Variants in DOCK10 observed in about 807,000 individuals in gnomAD.
DOCK10 encodes the protein dedicator of cytokinesis protein 10.
A neutral mutation model predicts 280.1 loss-of-function variants in DOCK10; 145 were observed. The observed-to-expected ratio is 0.52, with a 90% CI of 0.45 to 0.59. The LOEUF (loss-of-function observed/expected upper bound fraction) is 0.59, where lower values mean the gene tolerates loss of function less well. Ranked by LOEUF, DOCK10 falls within the 20% of genes least tolerant of loss-of-function variation. DOCK10 has a pLI of 0.00. For synonymous variants in DOCK10, 915 were observed against 942.2 expected (o/e 0.97, Z 0.53); for missense variants, 2,368 against 2,651.7 (o/e 0.89, Z 2.35).
intron 41 of DOCK10, among the ~76,000 whole-genome samples, chr2:224,798,815 G>A (rs1419166179): frequency 6.6e-6 from 1 of 151,710 alleles, no homozygotes; most frequent in Non-Finnish European, 1.5e-5. Flanking sequence ...AAATTTTTTT[G>A]TAAAGATGAA....
chr2:224,851,112 C>T (rs1162464420), intron 18 of DOCK10, among the ~76,000 whole-genome samples: 1 of 152,176 alleles, frequency 6.6e-6, no homozygotes, highest in African/African-American at 2.4e-5. Flanking sequence ...TGTCCAGCCC[C>T]AAATCAGGCC....
At chr2:225,025,801 T>C (rs973859130) in intron 1 of DOCK10, among the ~76,000 whole-genome samples, 17 of 152,240 alleles carry the variant, frequency 1.1e-4, no homozygotes, top group African/African-American at 3.9e-4. Context: ...CCTTTCAAAA[T>C]TGACAAGTTA....
chr2:224,938,293 A>G (rs968399537), intron 1 of DOCK10, among the ~76,000 whole-genome samples: 3 of 152,122 alleles, frequency 2.0e-5, no homozygotes, highest in Non-Finnish European at 2.9e-5. Flanking sequence ...TCTATTTTCA[A>G]TATTCATAAC....
intron 1 of DOCK10, among the ~76,000 whole-genome samples, chr2:224,992,800 G>T (rs73083746): frequency 0.012 from 1,805 of 152,242 alleles, 39 homozygotes; most frequent in African/African-American, 0.042. Context: ...ATCTAAGTTT[G>T]CTTGTCCATA....
chr2:224,854,050 T>C (rs553509797), intron 16 of DOCK10, among the ~76,000 whole-genome samples: 1 of 152,192 alleles, frequency 6.6e-6, no homozygotes, highest in African/African-American at 2.4e-5. Context: ...CACCAATCAA[T>C]ATAAAAATGA....
chr2:224,931,675 A>G lies in DOCK10; in HGVS notation c.124-7T>C, dbSNP rs1180315973. On this transcript the variant is annotated splice_region_variant and splice_polypyrimidine_tract_variant and intron_variant, in intron 1 of 55. Coordinates refer to ENST00000258390, the MANE Select transcript of DOCK10 (RefSeq NM_014689.3). ...GAAGCCTAGGCTTTTCTTGCTGTAG[A>G]AAAAGAAAATATGGTATTAATCACT... The G allele has an allele frequency of 6.3e-7, 1 of 1,588,336 alleles. No individual in the cohort carries two copies. The highest frequency in any genetic ancestry group is 2.3e-5 in the East Asian group (1 of 44,240).
Position 224,856,936 on chromosome 2 carries a change from A to G in DOCK10, c.1732T>C (p.Phe578Leu). 1 of 1,612,452 alleles carries G rather than the reference A, an allele frequency of 6.2e-7. No individual in the cohort carries two copies. Among genetic ancestry groups the G allele is most frequent in the Non-Finnish European group, 8.5e-7 (1 of 1,178,898 alleles). ...NQGNVDRDSRFSPLFRQESSK... is the reference protein window; with the variant it reads ...NQGNVDRDSRLSPLFRQESSK... The stretch of plus-strand genomic sequence containing the variant: ...CTTTCTTGTCTAAACAATGGTGAAA[A>G]TCTTGAGTCTCTGTCCACATTTCCC... The change falls in exon 15 of 56, where the codon TTT becomes CTT. Residue 578 changes from phenylalanine to leucine, a missense_variant. Physicochemically the swap from Phe to Leu is conservative, Grantham distance 22 (BLOSUM62 0). Coordinates refer to ENST00000258390, the MANE Select transcript of DOCK10 (RefSeq NM_014689.3).
intron 1 of DOCK10, among the ~76,000 whole-genome samples, chr2:225,009,928 T>TGGTTAACC (rs1168965437): frequency 6.6e-6 from 1 of 152,182 alleles, no homozygotes; most frequent in East Asian, 1.9e-4. Flanking sequence ...AGAGTTGTAC[T>TGGTTAACC]GGTTAACCGT....
intron 3 of DOCK10, among the ~76,000 whole-genome samples, 163 bp downstream of exon 3, chr2:224,916,532 C>G (rs62186351): frequency 0.25 from 33,852 of 137,316 alleles, 4,441 homozygotes; most frequent in Admixed American, 0.3. Flanking sequence ...CAGAGTGACA[C>G]CCTCCCTCAA....
intron 7 of DOCK10, among the ~76,000 whole-genome samples, chr2:224,879,720 T>C (rs1340025553): frequency 1.3e-5 from 2 of 151,384 alleles, no homozygotes; most frequent in African/African-American, 2.4e-5. Context: ...ATTGCACCAC[T>C]GCACTCCCAG....
chr2:224,856,240 AT>A (rs1163091204), intron 15 of DOCK10, among the ~76,000 whole-genome samples: 3 of 152,228 alleles, frequency 2.0e-5, no homozygotes, highest in East Asian at 3.8e-4. Flanking sequence ...GCCCCCTTAA[AT>A]TAGACAGTAA....
intron 4 of DOCK10, among the ~76,000 whole-genome samples, chr2:224,892,290 T>C (rs766059695): frequency 2.7e-5 from 4 of 148,602 alleles, no homozygotes; most frequent in African/African-American, 7.5e-5. Context: ...TCCCACCTAA[T>C]TGGGAGGCTA....
intron 20 of DOCK10, 81 bp from the exon 21 acceptor site, chr2:224,845,405 C>A (rs79773335): frequency 1.3e-6 from 2 of 1,527,574 alleles, no homozygotes; most frequent in African/African-American, 2.8e-5. Flanking sequence ...TTATTATTTA[C>A]GAACACTAAA....
At chr2:225,021,388 C>A (rs1021167267) in intron 1 of DOCK10, among the ~76,000 whole-genome samples, 1 of 152,122 alleles carries the variant, frequency 6.6e-6, no homozygotes, top group African/African-American at 2.4e-5. Flanking sequence ...ATGGTTCTAC[C>A]CACCCAGGAG....
intron 26 of DOCK10, 32 bp from the exon 27 acceptor site, chr2:224,830,644 A>G (rs1695165343): frequency 3.0e-6 from 4 of 1,348,456 alleles, no homozygotes; most frequent in South Asian, 3.1e-5. Flanking sequence ...CGAGACATTT[A>G]TTATCCTATG....
At position 224,786,579 on chromosome 2, in the gene DOCK10, A is replaced by G. The variant is rs1018271295; in HGVS notation, c.5655+443T>C. ...ACAGTGGTAGTTCGAAAATAGGAGA[A>G]AAGAAATTGTGTGATAGTAAAATCA... On this transcript the variant is annotated intron_variant, in intron 50 of 55. Transcript: ENST00000258390. This position sits in a 1 kb window ranked among gnomAD's most constrained non-coding sequence, Gnocchi z 4.7. 5.3e-5 allele frequency among the ~76,000 whole-genome samples: 8 copies of G among 152,248 alleles called. No homozygotes were observed. The highest frequency in any genetic ancestry group is 8.8e-5 in the Non-Finnish European group (6 of 68,044).
chr2:224,783,273 A>AT (rs10713926), intron 50 of DOCK10, among the ~76,000 whole-genome samples: 36,634 of 143,850 alleles, frequency 0.25, 4,779 homozygotes, highest in East Asian at 0.36. Flanking sequence ...TCAGACTGGA[A>AT]TTTTTTTTTT....
chr2:224,835,204 T>C (rs1695515656), intron 25 of DOCK10, among the ~76,000 whole-genome samples: 1 of 152,198 alleles, frequency 6.6e-6, no homozygotes, highest in South Asian at 2.1e-4. Flanking sequence ...CTAGATAAAA[T>C]CAAGAGTAAT....
At chr2:224,859,871 G>A (rs1363126986) in intron 14 of DOCK10, among the ~76,000 whole-genome samples, 1 of 152,214 alleles carries the variant, frequency 6.6e-6, no homozygotes, top group African/African-American at 2.4e-5. Flanking sequence ...ACATTTATTT[G>A]AAGCAGTTTC....
Sources: gnomAD v4.1 joint callset for allele counts (sites outside exome capture counted in the v4.1 genomes callset) on GRCh38, gnomAD v4.1.1 for gene constraint, Gnocchi (gnomAD v3.1) non-coding constraint, MANE v1.5 for transcripts, NCBI Gene and HGNC (gene_info 2026-07-23, HGNC 2026-07-21) for gene names.